FAM90A20: variants seen among roughly 807,000 people sequenced by gnomAD.
FAM90A20 encodes the protein family with sequence similarity 90 member A20, also known as protein FAM90A20.
At chr8:7,297,750 A>G in the FAM90A20 span, 2 of 1,483,474 alleles carry the variant, frequency 1.3e-6, no homozygotes, top group South Asian at 2.2e-5. Context: ...CCTACTGCCC[A>G]GGCCTGCACC....
chr8:7,297,413 C>G, the FAM90A20 span: 6 of 1,549,522 alleles, frequency 3.9e-6, 1 homozygote, highest in Non-Finnish European at 5.2e-6. Flanking sequence ...ACAAGACAAA[C>G]GTCCTGCGGT....
chr8:7,296,272 C>A, the FAM90A20 span: 6 of 719,428 alleles, frequency 8.3e-6, 1 homozygote, highest in South Asian at 1.4e-5. Flanking sequence ...ACGGCCTGAC[C>A]TTTTTCTGTT....
chr8:7,295,358 C>T, the FAM90A20 span, among the ~76,000 whole-genome samples: 3 of 63,136 alleles, frequency 4.8e-5, no homozygotes, highest in East Asian at 3.7e-4. Context: ...ACTTAGAGTC[C>T]TGTGTAGCCA....
the FAM90A20 span, chr8:7,297,274 C>G: frequency 1.7e-5 from 24 of 1,383,072 alleles, 2 homozygotes; most frequent in Admixed American, 2.2e-4. Context: ...GGCCTGCAGT[C>G]AGGCACCAGG....
At chr8:7,297,766 C>A in the FAM90A20 span, 2 of 1,471,994 alleles carry the variant, frequency 1.4e-6, 1 homozygote. Flanking sequence ...GCACCATGTC[C>A]CATCACCCAG....
chr8:7,297,916 T>G, the FAM90A20 span: 1 of 722,944 alleles, frequency 1.4e-6, no homozygotes, highest in Non-Finnish European at 2.3e-6. Context: ...AGAGCCCTCA[T>G]GTGTCAGAGA....
chr8:7,296,957 T>C, the FAM90A20 span: 1 of 1,009,822 alleles, frequency 9.9e-7, no homozygotes, highest in Admixed American at 2.0e-5. Context: ...GTCGATACTG[T>C]ACTAAGAATT....
chr8:7,295,426 C>A, the FAM90A20 span, among the ~76,000 whole-genome samples: 3 of 91,638 alleles, frequency 3.3e-5, no homozygotes, highest in Non-Finnish European at 5.8e-5. Context: ...ACCTTGAGTC[C>A]TTCCTTTCAG....
chr8:7,297,142 C>G, the FAM90A20 span: 8 of 1,526,520 alleles, frequency 5.2e-6, no homozygotes, highest in East Asian at 6.7e-5. Context: ...GCTCAGCTAC[C>G]GAAATGTCTG....
chr8:7,296,128 A>G, the FAM90A20 span, among the ~76,000 whole-genome samples: 6 of 130,904 alleles, frequency 4.6e-5, no homozygotes, highest in Non-Finnish European at 9.1e-5. Context: ...CACCTGGAGG[A>G]TGGGAAGGTT....
At chr8:7,297,226 A>T in the FAM90A20 span, 2 of 1,520,008 alleles carry the variant, frequency 1.3e-6, no homozygotes, top group Non-Finnish European at 1.8e-6. Flanking sequence ...GTCTTGGACC[A>T]AAGGAAAGAC....
At chr8:7,296,093 TC>T in the FAM90A20 span, among the ~76,000 whole-genome samples, 2 of 129,866 alleles carry the variant, frequency 1.5e-5, no homozygotes, top group East Asian at 4.2e-4. Context: ...CAAATCACAG[TC>T]CTTAGTTGGG....
At chr8:7,297,524 C>A in the FAM90A20 span, 4 of 1,519,628 alleles carry the variant, frequency 2.6e-6, 2 homozygotes, top group African/African-American at 8.2e-5. Context: ...GGCTCCGATT[C>A]AGGCTTGCCT....
the FAM90A20 span, among the ~76,000 whole-genome samples, chr8:7,296,586 G>A: frequency 1.7e-4 from 23 of 135,606 alleles, no homozygotes; most frequent in Non-Finnish European, 2.7e-4. Flanking sequence ...CGTATTTCCT[G>A]TGGCTTTCTT....
the FAM90A20 span, chr8:7,297,179 T>C: frequency 6.5e-7 from 1 of 1,537,322 alleles, no homozygotes; most frequent in Non-Finnish European, 8.8e-7. Context: ...GGCTTCACTG[T>C]CTCCCCTCAG....
At chr8:7,297,715 G>T in the FAM90A20 span, 3 of 1,480,308 alleles carry the variant, frequency 2.0e-6, no homozygotes, top group Non-Finnish European at 1.8e-6. Context: ...TTGAACGGCA[G>T]CCTCCGCACC....
the FAM90A20 span, chr8:7,297,344 G>C: frequency 1.4e-6 from 2 of 1,402,230 alleles, no homozygotes; most frequent in South Asian, 2.3e-5. Context: ...TAGCTGCCGA[G>C]AAGTTCCCCA....
At chr8:7,297,522 T>G in the FAM90A20 span, 1 of 1,519,170 alleles carries the variant, frequency 6.6e-7, no homozygotes, top group Non-Finnish European at 8.9e-7. Context: ...CAGGCTCCGA[T>G]TCAGGCTTGC....
chr8:7,296,759 C>G, the FAM90A20 span, among the ~76,000 whole-genome samples: 552 of 134,044 alleles, frequency 4.1e-3, 172 homozygotes, highest in African/African-American at 0.018. Flanking sequence ...CTTCGGAAAG[C>G]CATTAGTCCG....
Sources: gnomAD v4.1 joint callset for allele counts (sites outside exome capture counted in the v4.1 genomes callset) on GRCh38, gnomAD v4.1.1 for gene constraint, MANE v1.5 for transcripts, NCBI Gene and HGNC (gene_info 2026-07-23, HGNC 2026-07-21) for gene names.